Variants in GRIP1 observed in about 807,000 individuals in gnomAD.
GRIP1 encodes glutamate receptor interacting protein 1, also known as glutamate receptor-interacting protein 1.
A neutral mutation model predicts 129.9 loss-of-function variants in GRIP1; 45 were observed. The ratio of observed to expected loss-of-function variants is 0.35; its 90% CI spans 0.27 to 0.44. The LOEUF (loss-of-function observed/expected upper bound fraction) is 0.44. Among genes scored for constraint, GRIP1 ranks in the 20% least tolerant of loss-of-function variants. GRIP1 has a pLI of 1.00. For missense variants in GRIP1, 1,196 were observed against 1,396.8 expected (o/e 0.86, Z 2.29); for synonymous variants, 530 against 520.8 (o/e 1.02, Z -0.24).
In GRIP1 at chr12:66,581,189, A is replaced by G. The variant is rs1415865110; in HGVS notation, c.136+15658T>C. Among the ~76,000 whole-genome samples the G allele has an allele frequency of 2.6e-5, 4 of 152,306 alleles. No individual in the cohort carries two copies. In the East Asian group the frequency reaches 7.7e-4, roughly 29 times the overall value. On this transcript the variant is annotated intron_variant, in intron 2 of 24. Transcript: ENST00000359742. Reference sequence around the variant, plus strand: ...TAACGAAATGAAGGCAGAAATAAAGATGTTCTTTGAAACCAAAGAGAACAA... The same window carrying G: ...TAACGAAATGAAGGCAGAAATAAAGGTGTTCTTTGAAACCAAAGAGAACAA...
intron 1 of GRIP1, among the ~76,000 whole-genome samples, chr12:66,809,691 G>A (rs2039066662): frequency 1.4e-5 from 2 of 145,774 alleles, no homozygotes; most frequent in Admixed American, 1.4e-4. Context: ...ACAGAATCTT[G>A]GTGTGTTGCC....
intron 1 of GRIP1, among the ~76,000 whole-genome samples, chr12:66,871,476 T>C (rs1592918413): frequency 6.6e-6 from 1 of 152,106 alleles, no homozygotes; most frequent in Non-Finnish European, 1.5e-5. Context: ...AGTTTCCTCA[T>C]CTGTAAAACA....
chr12:66,875,614 G>T (rs1372583653), intron 1 of GRIP1, among the ~76,000 whole-genome samples: 2 of 152,034 alleles, frequency 1.3e-5, no homozygotes, highest in Non-Finnish European at 2.9e-5. Flanking sequence ...TAATGAGGTT[G>T]TCTTCAAGGC....
intron 1 of GRIP1, among the ~76,000 whole-genome samples, chr12:66,916,654 G>A (rs1330697210): frequency 6.6e-6 from 1 of 150,946 alleles, no homozygotes; most frequent in Non-Finnish European, 1.5e-5. Context: ...TTTCTTAGGG[G>A]GGTTAAAAAA....
intron 1 of GRIP1, among the ~76,000 whole-genome samples, chr12:66,842,502 G>C (rs1054420620): frequency 2.0e-5 from 3 of 152,116 alleles, no homozygotes; most frequent in Admixed American, 6.5e-5. Flanking sequence ...TCTTCAATGA[G>C]TTAACAGTAA....
At chr12:66,963,952 A>G (rs1160184629) in intron 1 of GRIP1, among the ~76,000 whole-genome samples, 3 of 152,190 alleles carry the variant, frequency 2.0e-5, no homozygotes, top group Non-Finnish European at 4.4e-5. Flanking sequence ...TGCCTACACC[A>G]GGAACCTGGG....
chr12:66,654,402 AAGG>A (rs1243589305), intron 1 of GRIP1, among the ~76,000 whole-genome samples: 1 of 152,140 alleles, frequency 6.6e-6, no homozygotes, highest in Non-Finnish European at 1.5e-5. Flanking sequence ...GATTTTTGGA[AAGG>A]TAAAAAAGGA....
In GRIP1 at chr12:66,690,493, G is replaced by A. The variant is rs1006702160; in HGVS notation, c.-419-60157C>T. Among the ~76,000 whole-genome samples, 9 of 151,806 alleles carry A rather than the reference G, an allele frequency of 5.9e-5. No homozygotes were observed. The East Asian group carries it at 1.4e-3, about 23-fold the overall frequency. On this transcript the variant is annotated intron_variant, in intron 1 of 4. Coordinates refer to the GRIP1 transcript ENST00000538373. The stretch of plus-strand genomic sequence containing the variant: ...CTGTGCAATTAACACGGAGGGTACA[G>A]GTGTCTTTTCAAGATGCCGATTTCA...
intron 1 of GRIP1, among the ~76,000 whole-genome samples, chr12:66,727,128 CAT>C (rs2036280898): frequency 6.6e-6 from 1 of 152,156 alleles, no homozygotes; most frequent in Non-Finnish European, 1.5e-5. Context: ...ATGTGTATCA[CAT>C]GTGTGTGCAC....
At chr12:66,792,182 C>T (rs867351247) in intron 1 of GRIP1, among the ~76,000 whole-genome samples, 4 of 152,176 alleles carry the variant, frequency 2.6e-5, no homozygotes, top group African/African-American at 7.2e-5. Context: ...CACTTTACTA[C>T]GACTTTTCTC....
At chr12:66,527,744 G>T (rs1160224911) in intron 5 of GRIP1, among the ~76,000 whole-genome samples, 1 of 152,116 alleles carries the variant, frequency 6.6e-6, no homozygotes, top group Non-Finnish European at 1.5e-5. Flanking sequence ...TTATAAGTGG[G>T]TGCTAAGCAT....
At chr12:66,608,036 G>A (rs1473033023) in intron 1 of GRIP1, among the ~76,000 whole-genome samples, 2 of 152,112 alleles carry the variant, frequency 1.3e-5, no homozygotes, top group East Asian at 1.9e-4. Flanking sequence ...GGAGGCAGGG[G>A]CAGAAATCAC....
chr12:66,425,427 G>T (rs1285636953), intron 14 of GRIP1, among the ~76,000 whole-genome samples: 1 of 152,092 alleles, frequency 6.6e-6, no homozygotes, highest in East Asian at 1.9e-4. Flanking sequence ...ATTCCTCAGG[G>T]ATCTAGAACT....
intron 4 of GRIP1, among the ~76,000 whole-genome samples, chr12:66,531,936 G>A (rs553091975): frequency 2.6e-5 from 4 of 152,244 alleles, no homozygotes; most frequent in African/African-American, 9.6e-5. Context: ...AGCTTTCAAT[G>A]ACATATAATT....
chr12:66,671,285 G>C (rs2136234993), intron 1 of GRIP1, among the ~76,000 whole-genome samples: 1 of 152,088 alleles, frequency 6.6e-6, no homozygotes, highest in African/African-American at 2.4e-5. Flanking sequence ...ATGCTTTCCT[G>C]TCTCTGTGAC....
intron 1 of GRIP1, among the ~76,000 whole-genome samples, chr12:66,747,361 G>T (rs2036981357): frequency 6.6e-6 from 1 of 152,180 alleles, no homozygotes; most frequent in African/African-American, 2.4e-5. Context: ...AGAGGCAACT[G>T]TGTACATGAA....
chr12:66,642,759 C>G (rs2032044755), intron 1 of GRIP1, among the ~76,000 whole-genome samples: 1 of 152,130 alleles, frequency 6.6e-6, no homozygotes, highest in Admixed American at 6.6e-5. Flanking sequence ...ATACCTCCTT[C>G]CTAACCCTCT....
chr12:66,624,490 C>T (rs2065403078), intron 1 of GRIP1, among the ~76,000 whole-genome samples: 1 of 152,072 alleles, frequency 6.6e-6, no homozygotes, highest in South Asian at 2.1e-4. Flanking sequence ...CAAAATGTCT[C>T]TTGCCTCTGA....
chr12:66,699,830 T>C (rs1333624245), intron 1 of GRIP1, among the ~76,000 whole-genome samples: 1 of 152,144 alleles, frequency 6.6e-6, no homozygotes, highest in Non-Finnish European at 1.5e-5. Flanking sequence ...TCACTAGCAG[T>C]GCTGAACAAC....
Sources: gnomAD v4.1 joint callset for allele counts (sites outside exome capture counted in the v4.1 genomes callset) on GRCh38, gnomAD v4.1.1 for gene constraint, MANE v1.5 for transcripts, NCBI Gene and HGNC (gene_info 2026-07-23, HGNC 2026-07-21) for gene names.